The following ATP2B4 variants were observed in gnomAD, a reference collection of about 807,000 sequenced individuals.
ATP2B4 encodes ATPase plasma membrane Ca2+ transporting 4.
A neutral mutation model predicts 110.3 loss-of-function variants in ATP2B4; 39 were observed. That is an observed-to-expected ratio of 0.35 (90% confidence interval 0.27 to 0.46). The LOEUF (loss-of-function observed/expected upper bound fraction) is 0.46, where lower values mean the gene tolerates loss of function less well. ATP2B4 is among the 20% of genes least tolerant of loss of function. The pLI, the probability that ATP2B4 is intolerant of heterozygous loss-of-function variation, is 1.00. For missense variants in ATP2B4, 1,135 were observed against 1,530.9 expected, an observed-to-expected ratio of 0.74 and a Z score of 4.32; for synonymous variants, 538 against 571.7, an observed-to-expected ratio of 0.94 and a Z score of 0.84.
At chr1:203,704,839 A>G (rs1665803925) in intron 8 of ATP2B4, among the ~76,000 whole-genome samples, 1 of 152,116 alleles carries the variant, frequency 6.6e-6, no homozygotes, top group South Asian at 2.1e-4. Flanking sequence ...TACCACAATC[A>G]TAATCAGCAC....
At chr1:203,692,041 C>T (rs1665393068) in intron 2 of ATP2B4, among the ~76,000 whole-genome samples, 1 of 152,058 alleles carries the variant, frequency 6.6e-6, no homozygotes, top group Admixed American at 6.5e-5. Context: ...GCCACCACAC[C>T]CAGCTAATTT....
intron 6 of ATP2B4, among the ~76,000 whole-genome samples, chr1:203,701,251 C>T (rs1223478956): frequency 6.6e-6 from 1 of 152,156 alleles, no homozygotes; most frequent in Non-Finnish European, 1.5e-5. Flanking sequence ...CTTCCGTGTA[C>T]TCCCCCTCCT....
chr1:203,701,664 G>T (rs941852806), intron 6 of ATP2B4, among the ~76,000 whole-genome samples: 1 of 152,228 alleles, frequency 6.6e-6, no homozygotes, highest in Non-Finnish European at 1.5e-5. Flanking sequence ...GGGGAAGCTT[G>T]CCTGGTGCTG....
intron 20 of ATP2B4, chr1:203,728,341 G>C (rs1666584299): frequency 2.8e-6 from 1 of 356,900 alleles, no homozygotes; most frequent in South Asian, 2.2e-5. Flanking sequence ...ACTTTCTCCT[G>C]GGTGAATGCG....
chr1:203,727,420 C>A lies in ATP2B4; in HGVS notation c.3158C>A (p.Ser1053Tyr). 1 of 1,614,190 alleles carries A rather than the reference C, an allele frequency of 6.2e-7. No individual in the cohort carries two copies. The highest frequency in any genetic ancestry group is 1.1e-5 in the South Asian group (1 of 91,084). The change falls in exon 20 of 21, where the codon TCC becomes TAC. Residue 1053 changes from serine to tyrosine, a missense_variant. Physicochemically the swap from Ser to Tyr is moderately radical, Grantham distance 144 (BLOSUM62 -2). Transcript: ENST00000357681. Reference protein sequence around the residue: ...GQFISAIPTRSLKFLKEAGHG... With the variant: ...GQFISAIPTRYLKFLKEAGHG... ...TTCATCTCCGCAATACCTACCCGAT[C>A]CCTGAAGTTCCTGAAGGAGGCTGGG...
chr1:203,711,101 G>A lies in ATP2B4; in HGVS notation c.2024G>A (p.Arg675His), dbSNP rs774551939. 4.3e-6 allele frequency: 7 copies of A among 1,614,064 alleles called. No individual in the cohort carries two copies. Among genetic ancestry groups the A allele is most frequent in the Non-Finnish European group, 5.9e-6 (7 of 1,179,974 alleles). The stretch of plus-strand genomic sequence containing the variant: ...GTGGTGGGCATTGAGGACCCTGTGC[G>A]CCCAGAGGTGAGAGGGTGGGAAGCC... ...IAVVGIEDPV[R>H]PEVPDAIAKC... Residue 675 changes from arginine to histidine, a missense_variant, in exon 12 of 21, where the codon CGC (arginine) becomes CAC (histidine). Transcript: ENST00000357681.
chr1:203,723,910 C>A lies in ATP2B4; in HGVS notation c.3054C>A (p.Pro1018=). ...QIFIVEFGGK[P]FSCTSLSLSQ... The stretch of plus-strand genomic sequence containing the variant: ...TCATCGTGGAATTTGGGGGTAAACC[C>A]TTCAGTTGTACAAGCCTCAGCCTGT... The change falls in exon 19 of 21, where the codon CCC becomes CCA. Residue 1018 remains proline, a synonymous_variant. Transcript: ENST00000357681. 6.2e-7 allele frequency: 1 copy of A among 1,610,694 alleles called. No homozygotes were observed. Among genetic ancestry groups the A allele is most frequent in the Non-Finnish European group, 8.5e-7 (1 of 1,178,638 alleles).
At chr1:203,663,384 G>C (rs987885687) in intron 1 of ATP2B4, among the ~76,000 whole-genome samples, 2 of 151,858 alleles carry the variant, frequency 1.3e-5, no homozygotes, top group African/African-American at 4.8e-5. Flanking sequence ...GAGGTGTACC[G>C]CCTCCATCTA....
chr1:203,677,201 G>A, intron 1 of ATP2B4, among the ~76,000 whole-genome samples: 1 of 152,146 alleles, frequency 6.6e-6, no homozygotes, highest in East Asian at 1.9e-4. Context: ...AATAGCTACA[G>A]TGTGTGGACC....
At position 203,720,586 on chromosome 1, in the gene ATP2B4, A is replaced by T; in HGVS notation, c.2444A>T (p.Asp815Val). The change falls in exon 16 of 21, where the codon GAC (aspartate) becomes GTC (valine). Residue 815 changes from aspartate to valine, a missense_variant. By Grantham distance (152) the Asp-to-Val change is radical (BLOSUM62 -3). This residue lies in a region of ATP2B4 where 70 missense variants were observed against 142.4 expected (regional missense o/e 0.49). Coordinates refer to ENST00000357681, the MANE Select transcript of ATP2B4 (RefSeq NM_001684.5). ...AGTDVAKEASDIILTDDNFTS... is the reference protein window; with the variant it reads ...AGTDVAKEASVIILTDDNFTS... ...ACAGATGTAGCAAAGGAGGCTTCAGACATCATCCTAACAGATGACAACTTC... is the reference window on the plus strand; with the variant it reads ...ACAGATGTAGCAAAGGAGGCTTCAGTCATCATCCTAACAGATGACAACTTC... The T allele has an allele frequency of 6.2e-7, 1 of 1,613,340 alleles. No homozygotes were observed. Among genetic ancestry groups the T allele is most frequent in the Non-Finnish European group, 8.5e-7 (1 of 1,179,468 alleles).
intron 1 of ATP2B4, among the ~76,000 whole-genome samples, chr1:203,636,682 G>T (rs1663449034): frequency 6.6e-6 from 1 of 152,158 alleles, no homozygotes; most frequent in Admixed American, 6.5e-5. Flanking sequence ...TGAAGCAGGG[G>T]ATATCTCTGG....
intron 2 of ATP2B4, among the ~76,000 whole-genome samples, chr1:203,696,924 G>T (rs1163182789): frequency 6.6e-6 from 1 of 152,150 alleles, no homozygotes; most frequent in African/African-American, 2.4e-5. Context: ...TGTGGCATGT[G>T]GTGTGTGTAC....
chr1:203,721,501 A>G (rs1299300420), intron 17 of ATP2B4, 91 bp downstream of exon 17: 2 of 1,327,700 alleles, frequency 1.5e-6, no homozygotes, highest in Non-Finnish European at 2.1e-6. Flanking sequence ...TGCACAGGTC[A>G]GGAATAAGCG....
At chr1:203,639,654 G>C (rs1328502971) in intron 1 of ATP2B4, among the ~76,000 whole-genome samples, 1 of 152,210 alleles carries the variant, frequency 6.6e-6, no homozygotes, top group Non-Finnish European at 1.5e-5. Context: ...CTTGTCCTTT[G>C]CTGAAGAAAG....
Position 203,714,165 on chromosome 1 carries a change from TC to T in ATP2B4, c.2300-3del. The T allele has an allele frequency of 6.2e-7, 1 of 1,614,036 alleles. No individual in the cohort carries two copies. The highest frequency in any genetic ancestry group is 1.1e-5 in the South Asian group (1 of 91,074). ...AAGCTCACTGTGGTGTGTCTGTTTC[TC>T]CCAGGCATAATTGACAGCACTGTTG... On this transcript the variant is annotated splice_region_variant and splice_polypyrimidine_tract_variant and intron_variant, in intron 14 of 20. Transcript: ENST00000357681.
At chr1:203,645,144 C>T (rs572285765) in intron 1 of ATP2B4, among the ~76,000 whole-genome samples, 8 of 152,326 alleles carry the variant, frequency 5.3e-5, no homozygotes, top group African/African-American at 1.9e-4. Context: ...CTCAGCTTAT[C>T]TCCTGCACCT....
In ATP2B4 at chr1:203,710,956, A is replaced by G. The variant is rs982721888; in HGVS notation, c.1879A>G (p.Ile627Val). The G allele has an allele frequency of 2.5e-6, 4 of 1,614,056 alleles. No homozygotes were observed. Among genetic ancestry groups the G allele is most frequent in the African/African-American group, 2.7e-5 (2 of 74,926 alleles). The change falls in exon 12 of 21, where the codon ATC (isoleucine) becomes GTC (valine). Residue 627 changes from isoleucine (I) to valine (V), a missense_variant. Around this residue, in one of 9 missense-constraint regions of ATP2B4, gnomAD observed 368 missense variants for 455.9 expected, o/e 0.81. Transcript: ENST00000357681. ...KDRDDMVRTVIEPMACDGLRT... is the reference protein window; with the variant it reads ...KDRDDMVRTVVEPMACDGLRT... ...CAGAGATGATATGGTACGCACTGTC[A>G]TCGAGCCCATGGCCTGTGATGGACT...
At chr1:203,635,172 C>T (rs1458476907) in intron 1 of ATP2B4, among the ~76,000 whole-genome samples, 4 of 152,074 alleles carry the variant, frequency 2.6e-5, no homozygotes, top group Admixed American at 2.6e-4. Flanking sequence ...CGAGGTTTCT[C>T]CATGTTGGTC....
intron 2 of ATP2B4, 32 bp downstream of exon 2, chr1:203,683,430 G>A (rs1665077206): frequency 1.9e-6 from 3 of 1,550,074 alleles, no homozygotes; most frequent in Non-Finnish European, 2.6e-6. Flanking sequence ...GGGAGTTGGA[G>A]GAAGGTGGCT....
Sources: gnomAD v4.1 joint callset for allele counts (sites outside exome capture counted in the v4.1 genomes callset) on GRCh38, gnomAD v4.1.1 for gene constraint, gnomAD v4.1.1 regional missense constraint, MANE v1.5 for transcripts, NCBI Gene and HGNC (gene_info 2026-07-23, HGNC 2026-07-21) for gene names.